Variants in FER observed in about 807,000 individuals in gnomAD.
The protein encoded by FER is tyrosine-protein kinase Fer.
A neutral mutation model predicts 111.0 loss-of-function variants in FER; 63 were observed. That is an observed-to-expected ratio of 0.57 (90% CI 0.46 to 0.70). The LOEUF is 0.70. Among genes scored for constraint, FER ranks in the 30% least tolerant of loss-of-function variants. The pLI, the probability that FER is intolerant of heterozygous loss-of-function variation, is 0.00. For missense variants in FER, 914 were observed against 954.0 expected (o/e 0.96, Z 0.55); for synonymous variants, 327 against 313.9 (o/e 1.04, Z -0.44).
intron 14 of FER, 135 bp from the exon 15 acceptor site, chr5:109,044,545 G>C (rs1771669652): frequency 1.9e-6 from 1 of 517,112 alleles, no homozygotes; most frequent in Non-Finnish European, 3.5e-6. Flanking sequence ...TCGTATGTCT[G>C]ATAGAAATTA....
At chr5:109,119,892 A>G (rs966198202) in intron 17 of FER, among the ~76,000 whole-genome samples, 1 of 151,984 alleles carries the variant, frequency 6.6e-6, no homozygotes, top group Non-Finnish European at 1.5e-5. Flanking sequence ...GCACCTTTTC[A>G]TATGCCTATT....
At chr5:109,178,497 A>T (rs1757950004) in intron 17 of FER, among the ~76,000 whole-genome samples, 1 of 152,162 alleles carries the variant, frequency 6.6e-6, no homozygotes, top group Non-Finnish European at 1.5e-5. Flanking sequence ...TACACGACTA[A>T]AGTGTTGCAG....
chr5:109,088,691 T>C (rs1485705839), intron 16 of FER, among the ~76,000 whole-genome samples: 2 of 152,170 alleles, frequency 1.3e-5, no homozygotes, highest in South Asian at 2.1e-4. Context: ...ATCATTAAGC[T>C]AAATAAATCC....
intron 10 of FER, among the ~76,000 whole-genome samples, chr5:108,916,839 A>G (rs768948195): frequency 1.3e-5 from 2 of 152,174 alleles, no homozygotes; most frequent in Non-Finnish European, 2.9e-5. Context: ...CCCTTTGTGT[A>G]TAATAGAATC....
chr5:108,976,744 G>A (rs888636604), intron 13 of FER, among the ~76,000 whole-genome samples: 1 of 152,150 alleles, frequency 6.6e-6, no homozygotes, highest in South Asian at 2.1e-4. Context: ...TACATTTATA[G>A]TATTGTACTG....
chr5:109,017,451 G>C (rs1767301856), intron 13 of FER, among the ~76,000 whole-genome samples: 2 of 151,882 alleles, frequency 1.3e-5, no homozygotes, highest in African/African-American at 4.8e-5. Flanking sequence ...GATTGCTGCA[G>C]AAATACCCAA....
At chr5:109,123,195 G>T (rs556173460) in intron 17 of FER, among the ~76,000 whole-genome samples, 4 of 132,564 alleles carry the variant, frequency 3.0e-5, no homozygotes, top group Non-Finnish European at 1.5e-5. Context: ...TCACTCTGTC[G>T]CCCAGGCTGT....
intron 9 of FER, among the ~76,000 whole-genome samples, chr5:108,886,524 T>C (rs1210021517): frequency 6.6e-6 from 1 of 151,368 alleles, no homozygotes; most frequent in Admixed American, 6.6e-5. Flanking sequence ...TTTTGTATAG[T>C]AGCCTGTGTT....
intron 16 of FER, among the ~76,000 whole-genome samples, chr5:109,070,520 C>T (rs1342154876): frequency 6.6e-6 from 1 of 151,910 alleles, no homozygotes; most frequent in Admixed American, 6.6e-5. Flanking sequence ...AATAACATAA[C>T]AGTAGCTCCA....
intron 2 of FER, among the ~76,000 whole-genome samples, chr5:108,778,769 T>C (rs931433188): frequency 4.7e-4 from 72 of 152,350 alleles, no homozygotes; most frequent in Middle Eastern, 3.4e-3. Flanking sequence ...GGTTTATCTT[T>C]TCATTCTCTT....
At chr5:108,938,435 G>C (rs898342496) in intron 10 of FER, among the ~76,000 whole-genome samples, 2 of 151,942 alleles carry the variant, frequency 1.3e-5, no homozygotes, top group Non-Finnish European at 2.9e-5. Flanking sequence ...GAGTTGGCCA[G>C]ATATTTAGGG....
intron 14 of FER, among the ~76,000 whole-genome samples, chr5:109,039,575 T>G (rs569280554): frequency 6.6e-6 from 1 of 152,120 alleles, no homozygotes; most frequent in Non-Finnish European, 1.5e-5. Context: ...TAAACCTTAT[T>G]ATGTTTACTT....
intron 3 of FER, among the ~76,000 whole-genome samples, chr5:108,824,880 CAAAAGAGATAAATTTTAAAGTTGGGCA>C (rs1461010580): frequency 6.6e-6 from 1 of 151,752 alleles, no homozygotes; most frequent in African/African-American, 2.4e-5. Context: ...GGACAGAGTA[CAAAAGAGATAAATTTTAAAGTTGGGCA>C]TCCGGGGGAG....
chr5:108,896,242 C>T (rs897834725), intron 9 of FER, among the ~76,000 whole-genome samples: 2 of 151,040 alleles, frequency 1.3e-5, no homozygotes, highest in Non-Finnish European at 2.9e-5. Flanking sequence ...GCAGTCTTTT[C>T]CAGGACCTGG....
At chr5:109,078,605 C>T (rs1298518026) in intron 16 of FER, among the ~76,000 whole-genome samples, 1 of 152,116 alleles carries the variant, frequency 6.6e-6, no homozygotes, top group Non-Finnish European at 1.5e-5. Flanking sequence ...TTCACATCAT[C>T]CACACAATGA....
chr5:108,749,857 G>C (rs1476635885), intron 1 of FER, among the ~76,000 whole-genome samples: 3 of 152,192 alleles, frequency 2.0e-5, no homozygotes, highest in African/African-American at 7.2e-5. Flanking sequence ...TGTGTTGGTA[G>C]GGGCAAGGTA....
intron 17 of FER, among the ~76,000 whole-genome samples, chr5:109,129,038 TATAG>T (rs1027542811): frequency 6.6e-6 from 1 of 152,060 alleles, no homozygotes; most frequent in Non-Finnish European, 1.5e-5. Flanking sequence ...TAGACTAATA[TATAG>T]ATAAAGATTT....
At position 109,193,434 on chromosome 5, in the gene FER, A is replaced by T. The variant is rs1314041946; in HGVS notation, c.*5859A>T. 6.6e-6 allele frequency: 1 copy of T among 152,204 alleles called. No homozygotes were observed. Among genetic ancestry groups the T allele is most frequent in the Non-Finnish European group, 1.5e-5 (1 of 68,026 alleles). 9.4% of individuals were successfully genotyped at this position (152,204 alleles called of 1,614,324 possible). ...TTGTCAGCAAATTTGTAAAAACCTC[A>T]AAACAAATGAATATTTGGAATTCAC... On this transcript the variant is annotated 3_prime_UTR_variant, in exon 20 of 20. Coordinates refer to ENST00000281092, the MANE Select transcript of FER (RefSeq NM_005246.4).
At position 109,180,613 on chromosome 5, in the gene FER, G is replaced by C. The variant is rs771743026; in HGVS notation, c.2049-134G>C. Reference sequence around the variant, plus strand: ...ACCTATGACAGAAAAGATGAGGACTGGTAAATCACAAGCATTCTTAACCTC... The same window carrying C: ...ACCTATGACAGAAAAGATGAGGACTCGTAAATCACAAGCATTCTTAACCTC... On this transcript the variant is annotated intron_variant, in intron 17 of 19. Coordinates refer to ENST00000281092, the MANE Select transcript of FER (RefSeq NM_005246.4). The C allele has an allele frequency of 6.2e-6, 6 of 964,962 alleles. No homozygotes were observed. The East Asian group carries it at 1.1e-4, about 17-fold the overall frequency. 59.8% of individuals were successfully genotyped at this position (964,962 alleles called of 1,614,324 possible).
Sources: gnomAD v4.1 joint callset for allele counts (sites outside exome capture counted in the v4.1 genomes callset) on GRCh38, gnomAD v4.1.1 for gene constraint, MANE v1.5 for transcripts, NCBI Gene and HGNC (gene_info 2026-07-23, HGNC 2026-07-21) for gene names.